The following STPG2 variants were observed in gnomAD, a reference collection of about 807,000 sequenced individuals.
The protein encoded by STPG2 is sperm tail PG-rich repeat containing 2.
In STPG2, 56 loss-of-function variants were observed where a neutral mutation model predicts 54.2. The observed-to-expected ratio is 1.03, with a 90% confidence interval of 0.83 to 1.29. The LOEUF (loss-of-function observed/expected upper bound fraction) is 1.29, where lower values mean the gene tolerates loss of function less well. Ranked by LOEUF, STPG2 falls within the 50% of genes most tolerant of loss-of-function variation. The probability of loss-of-function intolerance (pLI) is 0.00; values close to 1 mark genes in which losing one functional copy is unlikely to be tolerated. For synonymous variants in STPG2, 200 were observed against 181.8 expected (o/e 1.10, Z -0.81); for missense variants, 596 against 544.9 (o/e 1.09, Z -0.93).
At chr4:97,674,088 T>C (rs1273318619) in intron 10 of STPG2, among the ~76,000 whole-genome samples, 1 of 152,186 alleles carries the variant, frequency 6.6e-6, no homozygotes, top group Non-Finnish European at 1.5e-5. Flanking sequence ...CACTCACTAG[T>C]GATCTCTCCC....
At chr4:97,496,618 G>A (rs910330206) in intron 4 of STPG2, among the ~76,000 whole-genome samples, 1 of 151,710 alleles carries the variant, frequency 6.6e-6, no homozygotes, top group African/African-American at 2.4e-5. Context: ...TCTTCCTGTT[G>A]GAAAATCATA....
At chr4:98,008,108 T>C (rs1008960220) in intron 5 of STPG2, among the ~76,000 whole-genome samples, 8 of 152,006 alleles carry the variant, frequency 5.3e-5, no homozygotes, top group African/African-American at 1.9e-4. Context: ...AGAACACCAG[T>C]AATTAAATTA....
chr4:98,127,187 C>T (rs1030214697), intron 3 of STPG2, among the ~76,000 whole-genome samples: 18 of 138,066 alleles, frequency 1.3e-4, no homozygotes, highest in Non-Finnish European at 2.4e-4. Context: ...GGGCAAACAT[C>T]GTAATAACAT....
At chr4:97,604,820 T>G (rs1457940051) in intron 10 of STPG2, among the ~76,000 whole-genome samples, 1 of 151,808 alleles carries the variant, frequency 6.6e-6, no homozygotes, top group Non-Finnish European at 1.5e-5. Context: ...TATCTGAGCA[T>G]AATCATATTT....
intron 10 of STPG2, among the ~76,000 whole-genome samples, chr4:97,592,921 T>C (rs559350645): frequency 2.0e-5 from 3 of 152,098 alleles, no homozygotes; most frequent in Non-Finnish European, 4.4e-5. Context: ...AGAGTGTTTG[T>C]GGTGGGAGCG....
intron 10 of STPG2, among the ~76,000 whole-genome samples, chr4:97,633,284 TAAATA>T (rs1721359273): frequency 6.6e-6 from 1 of 152,126 alleles, no homozygotes; most frequent in African/African-American, 2.4e-5. Flanking sequence ...TTGACTTAAT[TAAATA>T]TACAAATTAA....
chr4:97,559,499 T>C (rs1286222969), intron 10 of STPG2, among the ~76,000 whole-genome samples: 2 of 152,204 alleles, frequency 1.3e-5, no homozygotes, highest in African/African-American at 4.8e-5. Context: ...TTTCTATTTA[T>C]AGATGAAACT....
At chr4:97,786,513 G>C (rs547447043) in intron 9 of STPG2, among the ~76,000 whole-genome samples, 1 of 152,112 alleles carries the variant, frequency 6.6e-6, no homozygotes, top group South Asian at 2.1e-4. Flanking sequence ...CACTTTCTGT[G>C]GTTGCAGTCA....
chr4:97,888,082 T>C (rs1730643999), intron 8 of STPG2, among the ~76,000 whole-genome samples: 1 of 152,120 alleles, frequency 6.6e-6, no homozygotes. Context: ...AGAGAATATA[T>C]GGAAAAGCCC....
chr4:97,685,147 A>G (rs1279785420), intron 10 of STPG2, among the ~76,000 whole-genome samples: 1 of 152,132 alleles, frequency 6.6e-6, no homozygotes, highest in Non-Finnish European at 1.5e-5. Context: ...CAGCCACTTT[A>G]GAAGACAATC....
chr4:97,872,932 G>A (rs959712510), intron 8 of STPG2, among the ~76,000 whole-genome samples: 1 of 151,014 alleles, frequency 6.6e-6, no homozygotes, highest in African/African-American at 2.4e-5. Context: ...CTGTCCCTGC[G>A]ATGAAAGCAG....
intron 9 of STPG2, among the ~76,000 whole-genome samples, chr4:97,721,729 T>G (rs1279614566): frequency 6.6e-6 from 1 of 152,060 alleles, no homozygotes; most frequent in African/African-American, 2.4e-5. Context: ...AGTAAAGAAT[T>G]TATTTAGCTA....
chr4:98,000,019 A>G (rs1813251), intron 5 of STPG2, among the ~76,000 whole-genome samples: 61,712 of 151,970 alleles, frequency 0.41, 12,743 homozygotes, highest in African/African-American at 0.47. Flanking sequence ...TATCCATTTT[A>G]ATACTATATT....
At chr4:97,719,961 G>A (rs1258049318) in intron 9 of STPG2, among the ~76,000 whole-genome samples, 4 of 151,846 alleles carry the variant, frequency 2.6e-5, no homozygotes, top group Non-Finnish European at 4.4e-5. Flanking sequence ...TTAACATGAG[G>A]CTGGCAGTAT....
rs138680626 is a variant in STPG2, at chr4:97,830,729, T to A, written c.1204+10044A>T. On this transcript the variant is annotated intron_variant, in intron 9 of 10. Coordinates refer to ENST00000295268, the MANE Select transcript of STPG2 (RefSeq NM_174952.3). ...AAACAAGCAGAGGTTGCAATCCTAG[T>A]CTCTGATAAAACAGACTTTAAACAA... 9.7e-4 allele frequency among the ~76,000 whole-genome samples: 148 copies of A among 152,164 alleles called. 1 individual carries two copies. In the East Asian group the frequency reaches 0.02, roughly 20 times the overall value.
At chr4:97,555,633 T>C (rs1301413550), downstream of STPG2, among the ~76,000 whole-genome samples, 1 of 152,106 alleles carries the variant, frequency 6.6e-6, no homozygotes, top group Non-Finnish European at 1.5e-5. Flanking sequence ...TGTGCTACCA[T>C]AAGAGTAAGG....
chr4:97,495,710 C>CAAAAAAAAAAAAAAAAAA (rs35288994), intron 4 of STPG2, among the ~76,000 whole-genome samples: 1 of 117,798 alleles, frequency 8.5e-6, no homozygotes. Flanking sequence ...ATGGTCAAGA[C>CAAAAAAAAAAAAAAAAAA]AAAAAAAAAA....
intron 9 of STPG2, among the ~76,000 whole-genome samples, chr4:97,783,317 T>A (rs1726713019): frequency 2.0e-5 from 3 of 152,052 alleles, no homozygotes; most frequent in Admixed American, 6.5e-5. Context: ...AACAGACACA[T>A]GAAAAAATGT....
At chr4:98,018,862 G>A (rs28810783) in intron 5 of STPG2, among the ~76,000 whole-genome samples, 59,209 of 150,614 alleles carry the variant, frequency 0.39, 11,847 homozygotes, top group Middle Eastern at 0.46. Flanking sequence ...TTTTGATGGG[G>A]TTGTTTGTTT....
Sources: gnomAD v4.1 joint callset for allele counts (sites outside exome capture counted in the v4.1 genomes callset) on GRCh38, gnomAD v4.1.1 for gene constraint, MANE v1.5 for transcripts, NCBI Gene and HGNC (gene_info 2026-07-23, HGNC 2026-07-21) for gene names.